Variants in ACADM observed in about 807,000 individuals in gnomAD.
ACADM encodes the protein medium-chain specific acyl-CoA dehydrogenase, mitochondrial.
A neutral mutation model predicts 58.9 loss-of-function variants in ACADM; 49 were observed. The ratio of observed to expected loss-of-function variants is 0.83; its 90% CI spans 0.66 to 1.06. ACADM has a LOEUF of 1.06. Among genes scored for constraint, ACADM ranks in the 50% least tolerant of loss-of-function variants. The pLI is 0.00. For synonymous variants in ACADM, 160 were observed against 157.7 expected, an observed-to-expected ratio of 1.01 and a Z score of -0.11; for missense variants, 496 against 507.0, an observed-to-expected ratio of 0.98 and a Z score of 0.21.
At chr1:75,733,683 A>G (rs2100366338) in intron 5 of ACADM, 55 bp downstream of exon 5, 2 of 1,395,810 alleles carry the variant, frequency 1.4e-6, no homozygotes, top group Non-Finnish European at 2.0e-6. Context: ...TGAGATAGTT[A>G]CTCCTGAAGA....
At chr1:75,728,345 T>C (rs968494147) in intron 1 of ACADM, 56 bp from the exon 2 acceptor site, 1 of 1,428,484 alleles carries the variant, frequency 7.0e-7, no homozygotes, top group Non-Finnish European at 9.8e-7. Context: ...CAGTAGTCTC[T>C]TATCTGATTA....
chr1:75,740,735 G>A (rs1570877990), intron 7 of ACADM, among the ~76,000 whole-genome samples: 1 of 152,072 alleles, frequency 6.6e-6, no homozygotes, highest in African/African-American at 2.4e-5. Flanking sequence ...CCTTTAAAAA[G>A]CCAATGTAAT....
At chr1:75,758,752 C>T (rs61289992) in intron 10 of ACADM, among the ~76,000 whole-genome samples, 35,858 of 152,088 alleles carry the variant, frequency 0.24, 4,591 homozygotes, top group Non-Finnish European at 0.3. Flanking sequence ...CACGAATCAG[C>T]GCTCTGTGTC....
intron 7 of ACADM, chr1:75,743,633 C>T (rs1327990283): frequency 3.9e-6 from 6 of 1,540,356 alleles, no homozygotes; most frequent in Non-Finnish European, 5.4e-6. Context: ...AATGGGTGTT[C>T]AAAGAGTGAG....
At chr1:75,750,844 G>A (rs1390293988) in intron 10 of ACADM, 3 of 416,030 alleles carry the variant, frequency 7.2e-6, no homozygotes, top group South Asian at 6.6e-5. Flanking sequence ...CGCCTCCCGA[G>A]TTCGAGTAAT....
At chr1:75,754,352 T>C (rs1631498) in intron 10 of ACADM, among the ~76,000 whole-genome samples, 141,129 of 151,774 alleles carry the variant, frequency 0.93, 65,866 homozygotes, top group African/African-American at 0.99. Context: ...GGTTTACAGG[T>C]GCCCGCAACT....
chr1:75,752,763 C>T (rs1450155542), intron 10 of ACADM, among the ~76,000 whole-genome samples: 1 of 152,060 alleles, frequency 6.6e-6, no homozygotes, highest in Non-Finnish European at 1.5e-5. Flanking sequence ...GGGTGCTAAT[C>T]TTTCAAGGTG....
chr1:75,751,612 C>T (rs1158961328), intron 10 of ACADM, among the ~76,000 whole-genome samples: 7 of 151,788 alleles, frequency 4.6e-5, no homozygotes, highest in Non-Finnish European at 7.4e-5. Context: ...GATTCTCCTG[C>T]CTCAGCCTCC....
At chr1:75,733,858 C>CTT (rs1557445654) in intron 5 of ACADM, among the ~76,000 whole-genome samples, 3 of 152,200 alleles carry the variant, frequency 2.0e-5, no homozygotes, top group African/African-American at 7.2e-5. Flanking sequence ...ACTCGGAGTT[C>CTT]TGACTGTCCT....
In ACADM at chr1:75,762,987, T is replaced by C; in HGVS notation, c.*224T>C. ...TGTGTTTTCTTTAGTACCACTTTAC[T>C]TGAATTACATTAACCTAGAAAACTA... On this transcript the variant is annotated 3_prime_UTR_variant, in exon 12 of 12. Transcript: ENST00000370841. 3 of 367,138 alleles carry C rather than the reference T, an allele frequency of 8.2e-6. No homozygotes were observed. In the South Asian group the frequency reaches 1.3e-4, roughly 15 times the overall value. The allele number at this position is 367,138 out of a possible 1,614,324, so 22.7% of individuals were successfully genotyped here.
chr1:75,749,400 A>G lies in ACADM; in HGVS notation c.709-19A>G, dbSNP rs1314978891. On this transcript the variant is annotated intron_variant, in intron 8 of 11. Coordinates refer to ENST00000370841, the MANE Select transcript of ACADM (RefSeq NM_000016.6). ...TGGCTCAAAAAAAATTCCTTAAAAT[A>G]TATCAATTTTCTTATTAGGAATTAA... 1 of 1,612,852 alleles carries G rather than the reference A, an allele frequency of 6.2e-7. No homozygotes were observed. The highest frequency in any genetic ancestry group is 1.7e-5 in the Admixed American group (1 of 59,990).
At chr1:75,729,934 G>C (rs1647122193) in intron 2 of ACADM, among the ~76,000 whole-genome samples, 1 of 104,580 alleles carries the variant, frequency 9.6e-6, no homozygotes, top group South Asian at 3.2e-4. Context: ...TTGCTCTGTT[G>C]CTCAGGCTGG....
At chr1:75,751,283 T>G (rs938083654) in intron 10 of ACADM, among the ~76,000 whole-genome samples, 12 of 151,162 alleles carry the variant, frequency 7.9e-5, no homozygotes, top group Non-Finnish European at 1.3e-4. Flanking sequence ...GAGCTTGCAG[T>G]GAGCCAAGAT....
intron 8 of ACADM, 39 bp downstream of exon 8, chr1:75,745,953 T>A (rs1647878046): frequency 2.1e-6 from 3 of 1,435,806 alleles, no homozygotes; most frequent in Non-Finnish European, 2.9e-6. Context: ...CAAATATTAT[T>A]TTAATTATAA....
chr1:75,740,872 A>G (rs1647529348), intron 7 of ACADM, among the ~76,000 whole-genome samples: 1 of 152,240 alleles, frequency 6.6e-6, no homozygotes, highest in Admixed American at 6.5e-5. Flanking sequence ...ATCTTGCATT[A>G]GGAGGAGCCT....
intron 11 of ACADM, chr1:75,761,669 A>G (rs1169142339): frequency 2.7e-6 from 1 of 363,980 alleles, no homozygotes; most frequent in Admixed American, 4.4e-5. Context: ...TTCTCTCCAA[A>G]AAGTATGCAT....
intron 10 of ACADM, among the ~76,000 whole-genome samples, chr1:75,756,718 G>A (rs1034140237): frequency 6.6e-6 from 1 of 152,218 alleles, no homozygotes; most frequent in Admixed American, 6.5e-5. Flanking sequence ...CTACTTTAAA[G>A]TTCATATGGA....
chr1:75,762,790 A>G lies in ACADM; in HGVS notation c.*27A>G. The G allele has an allele frequency of 7.2e-7, 1 of 1,385,492 alleles. No individual in the cohort carries two copies. The highest frequency in any genetic ancestry group is 1.8e-4 in the Middle Eastern group (1 of 5,554). The allele number at this position is 1,385,492 out of a possible 1,614,324, so 85.8% of individuals were successfully genotyped here. On this transcript the variant is annotated 3_prime_UTR_variant, in exon 12 of 12. Transcript: ENST00000370841. ...AAAATTACTGTAGAAATATTGAATA[A>G]CTAGAACACAAGCCACTGTTTCAGC...
At chr1:75,748,570 A>G (rs1648024020) in intron 8 of ACADM, among the ~76,000 whole-genome samples, 1 of 152,230 alleles carries the variant, frequency 6.6e-6, no homozygotes. Flanking sequence ...TTGATCATGC[A>G]GCAACATGGA....
Sources: allele counts gnomAD v4.1 joint callset (sites outside exome capture counted in the v4.1 genomes callset), GRCh38; gene constraint gnomAD v4.1.1; transcripts MANE v1.5; gene names NCBI Gene and HGNC (gene_info 2026-07-23, HGNC 2026-07-21).